The following SLIT3 variants were observed in gnomAD, a reference collection of about 807,000 sequenced individuals.
SLIT3 encodes slit guidance ligand 3.
In SLIT3, 68 loss-of-function variants were observed where a neutral mutation model predicts 184.0. The ratio of observed to expected loss-of-function variants is 0.37; its 90% CI spans 0.30 to 0.45. The LOEUF (loss-of-function observed/expected upper bound fraction) is 0.45. Ranked by LOEUF, SLIT3 falls within the 20% of genes least tolerant of loss-of-function variation. The pLI is 1.00. For synonymous variants in SLIT3, 831 were observed against 828.6 expected, an observed-to-expected ratio of 1.00 and a Z score of -0.05; for missense variants, 1,707 against 2,026.0, an observed-to-expected ratio of 0.84 and a Z score of 3.02.
chr5:168,845,808 C>G (rs1470223974), intron 5 of SLIT3, among the ~76,000 whole-genome samples: 1 of 152,210 alleles, frequency 6.6e-6, no homozygotes, highest in Non-Finnish European at 1.5e-5. Context: ...TGTACTCGGT[C>G]TGCAGAGCAC....
chr5:168,673,444 T>A, intron 32 of SLIT3, 113 bp from the exon 33 acceptor site: 1 of 1,006,424 alleles, frequency 9.9e-7, no homozygotes, highest in Non-Finnish European at 1.4e-6. Context: ...ACTTTTTATT[T>A]GGAAATAACT....
chr5:168,998,301 C>A (rs1335631687), intron 4 of SLIT3, among the ~76,000 whole-genome samples: 1 of 152,212 alleles, frequency 6.6e-6, no homozygotes, highest in East Asian at 1.9e-4. Flanking sequence ...TCCAAAGGGT[C>A]TGCCTTGTAT....
chr5:168,673,942 A>G (rs1329875018), intron 32 of SLIT3, among the ~76,000 whole-genome samples: 1 of 152,166 alleles, frequency 6.6e-6, no homozygotes, highest in Admixed American at 6.5e-5. Context: ...ACCACTATTT[A>G]CTCAACACGC....
intron 4 of SLIT3, among the ~76,000 whole-genome samples, chr5:169,029,676 A>G (rs936335927): frequency 6.6e-6 from 1 of 152,172 alleles, no homozygotes; most frequent in Admixed American, 6.5e-5. Flanking sequence ...CAAACAAGAG[A>G]TCTTGGAAGG....
At chr5:168,935,137 C>CAAAA (rs369026421) in intron 4 of SLIT3, among the ~76,000 whole-genome samples, 1 of 99,472 alleles carries the variant, frequency 1.0e-5, no homozygotes, top group Non-Finnish European at 2.1e-5. Flanking sequence ...GACTCCGTCT[C>CAAAA]AAAAAAAAAA....
At chr5:169,220,028 A>G (rs1466214390) in intron 3 of SLIT3, among the ~76,000 whole-genome samples, 1 of 152,178 alleles carries the variant, frequency 6.6e-6, no homozygotes, top group African/African-American at 2.4e-5. Flanking sequence ...CGAGGTGACC[A>G]ATCCCAATGA....
At chr5:168,810,629 G>T (rs1757130401) in intron 8 of SLIT3, among the ~76,000 whole-genome samples, 1 of 152,166 alleles carries the variant, frequency 6.6e-6, no homozygotes, top group African/African-American at 2.4e-5. Context: ...TCACCACTTC[G>T]GCTCTGGGCT....
At chr5:168,939,156 A>G (rs1210576101) in intron 4 of SLIT3, among the ~76,000 whole-genome samples, 1 of 152,220 alleles carries the variant, frequency 6.6e-6, no homozygotes, top group Non-Finnish European at 1.5e-5. Context: ...AAGCAGCACC[A>G]GGTCAAATAC....
At chr5:168,855,077 G>A (rs1196680304) in intron 5 of SLIT3, among the ~76,000 whole-genome samples, 4 of 152,168 alleles carry the variant, frequency 2.6e-5, no homozygotes, top group Non-Finnish European at 5.9e-5. Context: ...AGGAGAGCGG[G>A]TACAGTCTCT....
At chr5:168,736,294 G>A (rs773907853) in intron 20 of SLIT3, among the ~76,000 whole-genome samples, 4 of 152,214 alleles carry the variant, frequency 2.6e-5, no homozygotes, top group Non-Finnish European at 4.4e-5. Flanking sequence ...GTGTGGAGAA[G>A]TGTCCTCTAC....
At chr5:168,916,013 C>T (rs945129535) in intron 4 of SLIT3, among the ~76,000 whole-genome samples, 1 of 152,120 alleles carries the variant, frequency 6.6e-6, no homozygotes, top group Non-Finnish European at 1.5e-5. Flanking sequence ...ATGTGCACAA[C>T]GTGCAGGTTT....
chr5:168,831,090 G>A (rs1357256845), intron 6 of SLIT3, among the ~76,000 whole-genome samples: 2 of 152,228 alleles, frequency 1.3e-5, no homozygotes, highest in African/African-American at 4.8e-5. Flanking sequence ...GGTCCCAAAG[G>A]CGTCTAAGGT....
chr5:169,236,749 T>A (rs7701659), intron 3 of SLIT3, among the ~76,000 whole-genome samples: 1 of 152,116 alleles, frequency 6.6e-6, no homozygotes, highest in East Asian at 1.9e-4. Context: ...GGATAACAGG[T>A]GTGAGCCACC....
At chr5:168,844,397 A>C (rs1371487550) in intron 6 of SLIT3, among the ~76,000 whole-genome samples, 187 bp downstream of exon 6, 5 of 152,156 alleles carry the variant, frequency 3.3e-5, no homozygotes, top group African/African-American at 1.2e-4. Flanking sequence ...GCCTGCAAAC[A>C]CTTTGACCAA....
Position 169,286,481 on chromosome 5 carries a change from C to T in SLIT3, c.197+14032G>A, listed in dbSNP as rs182263767. Among the ~76,000 whole-genome samples the T allele has an allele frequency of 1.5e-4, 23 of 152,234 alleles. No individual in the cohort carries two copies. In the East Asian group the frequency reaches 2.9e-3, roughly 19 times the overall value. The stretch of plus-strand genomic sequence containing the variant: ...TTGGCTCAGGTCTAAACCCCAAATC[C>T]CAGCCCCCAGAAGTGAGGATGCATA... On this transcript the variant is annotated intron_variant, in intron 1 of 35. Transcript: ENST00000519560.
At position 168,682,761 on chromosome 5, in the gene SLIT3, C is replaced by T. The variant is rs1052620129; in HGVS notation, c.3686+1205G>A. ...CAGGGGGAAGAAAGTCTGAAAGTTG[C>T]AGCTCTTCACCAATCCCTATGAAAT... On this transcript the variant is annotated intron_variant, in intron 32 of 35. Transcript: ENST00000519560. 3.9e-5 allele frequency among the ~76,000 whole-genome samples: 6 copies of T among 152,084 alleles called. 1 individual carries two copies. The highest frequency in any genetic ancestry group is 7.4e-5 in the Non-Finnish European group (5 of 68,016).
At chr5:168,802,789 G>A (rs912200602) in intron 9 of SLIT3, among the ~76,000 whole-genome samples, 1 of 152,176 alleles carries the variant, frequency 6.6e-6, no homozygotes, top group African/African-American at 2.4e-5. Flanking sequence ...CTAACAACAA[G>A]CATTGTTAAT....
intron 2 of SLIT3, among the ~76,000 whole-genome samples, chr5:169,250,930 A>C (rs1765753602): frequency 6.6e-6 from 1 of 152,164 alleles, no homozygotes; most frequent in East Asian, 1.9e-4. Context: ...ACCTGTCTGC[A>C]CAGCTGTGGG....
intron 4 of SLIT3, among the ~76,000 whole-genome samples, chr5:169,111,612 C>T (rs1164341101): frequency 6.6e-6 from 1 of 152,086 alleles, no homozygotes; most frequent in Non-Finnish European, 1.5e-5. Flanking sequence ...ATTAGCAGGG[C>T]ATGGTGGCAA....
Sources: allele counts gnomAD v4.1 joint callset (sites outside exome capture counted in the v4.1 genomes callset), GRCh38; gene constraint gnomAD v4.1.1; transcripts MANE v1.5; gene names NCBI Gene and HGNC (gene_info 2026-07-23, HGNC 2026-07-21).